Variants in OPCML observed in about 807,000 individuals in gnomAD.
The protein encoded by OPCML is opioid binding protein/cell adhesion molecule like.
A neutral mutation model predicts 37.8 loss-of-function variants in OPCML; 13 were observed. That is an observed-to-expected ratio of 0.34 (90% confidence interval 0.22 to 0.55). OPCML has a LOEUF of 0.55. Ranked by LOEUF, OPCML falls within the 20% of genes least tolerant of loss-of-function variation. OPCML has a pLI of 0.91. For synonymous variants in OPCML, 176 were observed against 168.8 expected (o/e 1.04, Z -0.33); for missense variants, 341 against 435.6 (o/e 0.78, Z 1.93).
chr11:132,566,936 A>G (rs1203081370), intron 3 of OPCML, among the ~76,000 whole-genome samples: 1 of 138,208 alleles, frequency 7.2e-6, no homozygotes, highest in Non-Finnish European at 1.5e-5. Context: ...GAAAGAGAAC[A>G]CGGTGCATAC....
intron 7 of OPCML, among the ~76,000 whole-genome samples, chr11:132,427,200 T>C (rs1188327246): frequency 1.3e-5 from 2 of 152,164 alleles, no homozygotes; most frequent in African/African-American, 4.8e-5. Flanking sequence ...GACAGCACAG[T>C]GAGATTAATG....
intron 1 of OPCML, among the ~76,000 whole-genome samples, chr11:133,016,042 C>T (rs1290566622): frequency 6.6e-6 from 1 of 152,198 alleles, no homozygotes; most frequent in Non-Finnish European, 1.5e-5. Context: ...ACATCCTCAG[C>T]CTCTCTTGTT....
intron 3 of OPCML, among the ~76,000 whole-genome samples, chr11:132,609,944 T>A (rs1938540905): frequency 6.6e-6 from 1 of 152,200 alleles, no homozygotes; most frequent in South Asian, 2.1e-4. Flanking sequence ...GAAGTTATTC[T>A]TTTCCTTGTA....
intron 1 of OPCML, among the ~76,000 whole-genome samples, chr11:133,403,817 T>C (rs1353169120): frequency 6.6e-6 from 1 of 152,234 alleles, no homozygotes; most frequent in Non-Finnish European, 1.5e-5. Context: ...AATTGTGTAT[T>C]CACATTAATG....
At chr11:132,973,496 T>C (rs549663641) in intron 1 of OPCML, among the ~76,000 whole-genome samples, 6 of 152,360 alleles carry the variant, frequency 3.9e-5, no homozygotes, top group Admixed American at 3.9e-4. Flanking sequence ...TTTGTTATTA[T>C]AATTGCTCCA....
At chr11:133,082,017 A>G (rs1948727507) in intron 1 of OPCML, among the ~76,000 whole-genome samples, 1 of 152,004 alleles carries the variant, frequency 6.6e-6, no homozygotes, top group Non-Finnish European at 1.5e-5. Flanking sequence ...GTGTGCCCAG[A>G]GTCCTGCCGT....
intron 3 of OPCML, among the ~76,000 whole-genome samples, chr11:132,532,015 C>T (rs373255011): frequency 6.6e-6 from 1 of 152,052 alleles, no homozygotes; most frequent in African/African-American, 2.4e-5. Context: ...AGCTATGGTG[C>T]CTCAGGATAG....
intron 2 of OPCML, 95 bp downstream of exon 2, chr11:132,942,831 T>A: frequency 3.3e-6 from 5 of 1,514,378 alleles, no homozygotes; most frequent in Non-Finnish European, 3.6e-6. Flanking sequence ...CCACTCGCGT[T>A]CCGGTCCCCC....
At chr11:132,731,026 G>T (rs1331838197) in intron 2 of OPCML, among the ~76,000 whole-genome samples, 2 of 152,202 alleles carry the variant, frequency 1.3e-5, no homozygotes, top group Non-Finnish European at 1.5e-5. Flanking sequence ...ATTGTTGTTT[G>T]AATCTAGAGC....
chr11:133,096,563 GAAAACATCGATT>G (rs1367456443), intron 1 of OPCML, among the ~76,000 whole-genome samples: 2 of 152,124 alleles, frequency 1.3e-5, no homozygotes, highest in Admixed American at 1.3e-4. Context: ...TCAATGGTCT[GAAAACATCGATT>G]AAAACAGAGA....
intron 1 of OPCML, among the ~76,000 whole-genome samples, chr11:132,955,182 GTTT>G (rs1945951507): frequency 6.6e-6 from 1 of 152,096 alleles, no homozygotes; most frequent in Admixed American, 6.5e-5. Flanking sequence ...GGTTGGCACG[GTTT>G]TGTCTTATTT....
At position 132,422,126 on chromosome 11, in the gene OPCML, C is replaced by T. The variant is rs191701076; in HGVS notation, c.917-1833G>A. On this transcript the variant is annotated intron_variant, in intron 7 of 7. Transcript: ENST00000524381. ...AGTTTTGTATGTGTATATGTATATA[C>T]GTATATATATATGTCTTTGTCTAAT... 2.9e-3 allele frequency among the ~76,000 whole-genome samples: 445 copies of T among 151,888 alleles called. 3 individuals carry two copies. The highest frequency in any genetic ancestry group is 0.01 in the African/African-American group (425 of 41,398).
At chr11:132,758,677 T>C (rs541624855) in intron 2 of OPCML, among the ~76,000 whole-genome samples, 1 of 152,326 alleles carries the variant, frequency 6.6e-6, no homozygotes, top group South Asian at 2.1e-4. Flanking sequence ...CTGAAGTTGC[T>C]TATCAGCTTA....
chr11:133,410,281 C>T (rs967622555), intron 1 of OPCML, among the ~76,000 whole-genome samples: 1 of 152,160 alleles, frequency 6.6e-6, no homozygotes, highest in African/African-American at 2.4e-5. Flanking sequence ...CCACTCCTAT[C>T]TCCAAGTGGC....
chr11:132,832,667 A>G (rs1031022913), intron 2 of OPCML, among the ~76,000 whole-genome samples: 1 of 152,234 alleles, frequency 6.6e-6, no homozygotes, highest in African/African-American at 2.4e-5. Flanking sequence ...GACTTTTCAA[A>G]TACGGTCATG....
intron 1 of OPCML, among the ~76,000 whole-genome samples, chr11:133,400,678 G>A (rs1039316700): frequency 2.0e-5 from 3 of 152,170 alleles, no homozygotes; most frequent in African/African-American, 7.2e-5. Flanking sequence ...ATTCTAAAGG[G>A]AAGTGATATT....
At chr11:132,491,111 T>C (rs1184942863) in intron 4 of OPCML, among the ~76,000 whole-genome samples, 2 of 152,190 alleles carry the variant, frequency 1.3e-5, no homozygotes, top group African/African-American at 4.8e-5. Context: ...GCTCCCATGA[T>C]GTTGAGGCCC....
At chr11:132,676,650 A>T (rs1336370482) in intron 2 of OPCML, among the ~76,000 whole-genome samples, 1 of 151,892 alleles carries the variant, frequency 6.6e-6, no homozygotes, top group Non-Finnish European at 1.5e-5. Flanking sequence ...TTTCTCAAAG[A>T]TATATAAATG....
At chr11:133,081,482 C>G (rs528646173) in intron 1 of OPCML, among the ~76,000 whole-genome samples, 1 of 152,316 alleles carries the variant, frequency 6.6e-6, no homozygotes, top group South Asian at 2.1e-4. Context: ...AGTGGCTGAG[C>G]GAATGAATGA....
Sources: gnomAD v4.1 joint callset for allele counts (sites outside exome capture counted in the v4.1 genomes callset) on GRCh38, gnomAD v4.1.1 for gene constraint, MANE v1.5 for transcripts, NCBI Gene and HGNC (gene_info 2026-07-23, HGNC 2026-07-21) for gene names.